TRAPPC9: variants seen among roughly 807,000 people sequenced by gnomAD.
The protein encoded by TRAPPC9 is IKK2 binding protein.
In TRAPPC9, 83 loss-of-function variants were observed where a neutral mutation model predicts 124.0. The ratio of observed to expected loss-of-function variants is 0.67; its 90% CI spans 0.56 to 0.80. The LOEUF (loss-of-function observed/expected upper bound fraction) is 0.80, where lower values mean the gene tolerates loss of function less well. Among genes scored for constraint, TRAPPC9 ranks in the 30% least tolerant of loss-of-function variants. The pLI, the probability that TRAPPC9 is intolerant of heterozygous loss-of-function variation, is 0.00. For missense variants in TRAPPC9, 1,302 were observed against 1,508.3 expected, an observed-to-expected ratio of 0.86 and a Z score of 2.27; for synonymous variants, 638 against 617.5, an observed-to-expected ratio of 1.03 and a Z score of -0.49.
At chr8:139,972,473 T>C (rs1394750329) in intron 19 of TRAPPC9, among the ~76,000 whole-genome samples, 1 of 152,188 alleles carries the variant, frequency 6.6e-6, no homozygotes, top group East Asian at 1.9e-4. Context: ...TCTGCATCCT[T>C]GCAAATGTGC....
chr8:140,411,199 C>A (rs1170258322), intron 5 of TRAPPC9, among the ~76,000 whole-genome samples: 1 of 152,140 alleles, frequency 6.6e-6, no homozygotes, highest in Non-Finnish European at 1.5e-5. Context: ...GGCCTAGAAT[C>A]AATGAACCTT....
At chr8:140,443,131 CAAAAAAAAAAAAAA>C (rs1177286944) in intron 2 of TRAPPC9, among the ~76,000 whole-genome samples, 1 of 43,986 alleles carries the variant, frequency 2.3e-5, no homozygotes, top group African/African-American at 1.2e-4. Context: ...GACTCCATCT[CAAAAAAAAAAAAAA>C]AAAAAAAAAG....
intron 18 of TRAPPC9, among the ~76,000 whole-genome samples, chr8:140,022,375 A>C (rs759243661): frequency 2.6e-5 from 4 of 152,198 alleles, no homozygotes; most frequent in Non-Finnish European, 4.4e-5. Context: ...AAGAAAAGGG[A>C]GCAAGGGCCA....
At chr8:140,238,486 C>T (rs2063775288) in intron 16 of TRAPPC9, 1 of 152,242 alleles carries the variant, frequency 6.6e-6, no homozygotes, top group South Asian at 2.1e-4. Flanking sequence ...GCTGCGCCGC[C>T]ACGCTGTGAA....
chr8:140,408,387 A>G (rs1406091026), intron 5 of TRAPPC9, among the ~76,000 whole-genome samples: 17 of 152,162 alleles, frequency 1.1e-4, no homozygotes, highest in Admixed American at 1.1e-3. Flanking sequence ...CTGCTACCAC[A>G]CAAGACTGTA....
intron 21 of TRAPPC9, among the ~76,000 whole-genome samples, chr8:139,837,713 T>C (rs2130871492): frequency 6.6e-6 from 1 of 152,156 alleles, no homozygotes; most frequent in South Asian, 2.1e-4. Context: ...CCCCTGCCAT[T>C]TCCCCACACC....
chr8:140,033,673 T>TTTTGTTTTTTTTTTTTTTTTTTTTTTTG (rs1554611622), intron 17 of TRAPPC9, among the ~76,000 whole-genome samples: 1 of 76,732 alleles, frequency 1.3e-5, no homozygotes, highest in Non-Finnish European at 2.6e-5. Flanking sequence ...TTTTTTTTTT[T>TTTTGTTTTTTTTTTTTTTTTTTTTTTTG]TTTTTTTTTT....
chr8:140,344,021 G>A (rs1240238087), intron 9 of TRAPPC9, among the ~76,000 whole-genome samples: 4 of 152,102 alleles, frequency 2.6e-5, no homozygotes, highest in South Asian at 2.1e-4. Context: ...TGGTCTGAAC[G>A]TCTGTGTCCC....
intron 21 of TRAPPC9, among the ~76,000 whole-genome samples, chr8:139,868,673 G>A (rs146859210): frequency 2.2e-4 from 33 of 152,322 alleles, no homozygotes; most frequent in African/African-American, 7.0e-4. Context: ...CCCCTAAAGC[G>A]TAGTAATAAC....
chr8:140,030,713 G>A (rs1480532899), intron 17 of TRAPPC9, among the ~76,000 whole-genome samples: 1 of 152,164 alleles, frequency 6.6e-6, no homozygotes, highest in Non-Finnish European at 1.5e-5. Flanking sequence ...ACACAACATG[G>A]AAGAATCCAA....
chr8:140,440,540 C>T (rs1199074391), intron 2 of TRAPPC9, among the ~76,000 whole-genome samples: 2 of 151,892 alleles, frequency 1.3e-5, no homozygotes, highest in African/African-American at 4.8e-5. Flanking sequence ...ATCTGAGCTG[C>T]TCTTCCCATC....
At chr8:140,421,656 G>A (rs949755581) in intron 5 of TRAPPC9, among the ~76,000 whole-genome samples, 5 of 152,140 alleles carry the variant, frequency 3.3e-5, no homozygotes, top group South Asian at 2.1e-4. Context: ...GGCACTGTGC[G>A]AGGGAACAAC....
intron 21 of TRAPPC9, among the ~76,000 whole-genome samples, chr8:139,799,460 C>T (rs1275261233): frequency 6.6e-6 from 1 of 152,212 alleles, no homozygotes; most frequent in Non-Finnish European, 1.5e-5. Flanking sequence ...CACATGGCAT[C>T]CCCAAAACCA....
intron 17 of TRAPPC9, among the ~76,000 whole-genome samples, chr8:140,210,695 G>A (rs1439063406): frequency 6.6e-6 from 1 of 152,184 alleles, no homozygotes; most frequent in South Asian, 2.1e-4. Flanking sequence ...CCCAAGGAAG[G>A]CCACAGTCCC....
chr8:140,263,874 T>C (rs12550154), intron 15 of TRAPPC9, among the ~76,000 whole-genome samples: 37,175 of 152,098 alleles, frequency 0.24, 4,939 homozygotes, highest in African/African-American at 0.35. Flanking sequence ...AGCCGGCTGC[T>C]GCAGCTGTCC....
chr8:140,337,130 G>A (rs920540959), intron 9 of TRAPPC9, among the ~76,000 whole-genome samples: 4 of 152,150 alleles, frequency 2.6e-5, no homozygotes, highest in Admixed American at 6.5e-5. Flanking sequence ...AGAGCCAGGC[G>A]CCCGGAACTG....
chr8:139,757,297 G>A (rs1819904935), intron 21 of TRAPPC9, among the ~76,000 whole-genome samples: 3 of 142,164 alleles, frequency 2.1e-5, no homozygotes, highest in African/African-American at 5.4e-5. Flanking sequence ...GTTTGGGGAT[G>A]AGGACAGCAG....
intron 10 of TRAPPC9, among the ~76,000 whole-genome samples, chr8:140,310,193 G>A (rs574616018): frequency 6.6e-6 from 1 of 152,240 alleles, no homozygotes; most frequent in South Asian, 2.1e-4. Flanking sequence ...AATGCTATCG[G>A]TTTTCTTCTT....
intron 9 of TRAPPC9, among the ~76,000 whole-genome samples, chr8:140,319,728 A>AGT (rs1563942367): frequency 6.6e-6 from 1 of 152,200 alleles, no homozygotes; most frequent in East Asian, 1.9e-4. Context: ...TCGGCCTCCC[A>AGT]AAGTGCTGGG....
Sources: allele counts gnomAD v4.1 joint callset (sites outside exome capture counted in the v4.1 genomes callset), GRCh38; gene constraint gnomAD v4.1.1; transcripts MANE v1.5; gene names NCBI Gene and HGNC (gene_info 2026-07-23, HGNC 2026-07-21).